Variants in POU6F2 observed in about 807,000 individuals in gnomAD.
POU6F2 encodes POU domain, class 6, transcription factor 2.
POU6F2 carries 31 observed loss-of-function variants against 71.3 expected under a neutral mutation model. That is an observed-to-expected ratio of 0.43 (90% CI 0.33 to 0.59). The LOEUF (loss-of-function observed/expected upper bound fraction) is 0.59. Among genes scored for constraint, POU6F2 ranks in the 20% least tolerant of loss-of-function variants. POU6F2 has a pLI of 0.04. For synonymous variants in POU6F2, 347 were observed against 355.7 expected (o/e 0.98, Z 0.27); for missense variants, 783 against 856.8 (o/e 0.91, Z 1.07).
rs1358366890 is a variant in POU6F2 at position 39,221,368 on chromosome 7, A to G, written c.598+13748A>G. Among the ~76,000 whole-genome samples the G allele has an allele frequency of 5.3e-5, 8 of 151,034 alleles. No individual in the cohort carries two copies. The East Asian group carries it at 9.8e-4, about 19-fold the overall frequency. ...GCGCAATTTCCATTGATCAGAATCT[A>G]AAATTCTCTCTCTCTCTTTTTTTTT... On this transcript the variant is annotated intron_variant, in intron 4 of 9. Transcript: ENST00000518318.
At chr7:39,149,741 T>G (rs1234206157) in intron 2 of POU6F2, among the ~76,000 whole-genome samples, 1 of 152,192 alleles carries the variant, frequency 6.6e-6, no homozygotes, top group Admixed American at 6.5e-5. Flanking sequence ...CCTTTATATA[T>G]ATGTGTGTGT....
chr7:39,155,168 T>C (rs1452242949), intron 2 of POU6F2, among the ~76,000 whole-genome samples: 1 of 151,542 alleles, frequency 6.6e-6, no homozygotes, highest in Non-Finnish European at 1.5e-5. Flanking sequence ...GAAAAAGCAT[T>C]TGGGGGTTCT....
At chr7:39,278,567 T>G (rs1235641030) in intron 4 of POU6F2, among the ~76,000 whole-genome samples, 1 of 152,188 alleles carries the variant, frequency 6.6e-6, no homozygotes, top group Non-Finnish European at 1.5e-5. Context: ...CAGACCTTCC[T>G]TGTAAGTAGA....
chr7:39,393,439 A>G (rs1375920007), intron 5 of POU6F2, among the ~76,000 whole-genome samples: 3 of 152,178 alleles, frequency 2.0e-5, no homozygotes, highest in East Asian at 1.9e-4. Flanking sequence ...GCTCTTTACA[A>G]TGAAGAAACC....
intron 6 of POU6F2, among the ~76,000 whole-genome samples, chr7:39,419,386 G>A (rs1452405402): frequency 1.3e-5 from 2 of 151,388 alleles, no homozygotes; most frequent in Non-Finnish European, 2.9e-5. Flanking sequence ...TTACAGGCAC[G>A]CACCATCACG....
chr7:39,175,702 C>G (rs1366661502), intron 2 of POU6F2, among the ~76,000 whole-genome samples: 1 of 152,134 alleles, frequency 6.6e-6, no homozygotes, highest in Non-Finnish European at 1.5e-5. Flanking sequence ...GGCCAGTGTG[C>G]CAGAGAAACC....
chr7:39,022,826 G>A (rs944931021), intron 1 of POU6F2, among the ~76,000 whole-genome samples: 2 of 151,926 alleles, frequency 1.3e-5, no homozygotes, highest in Admixed American at 6.6e-5. Context: ...ACATTCTTTT[G>A]CATGGACATA....
chr7:39,353,417 C>T (rs1270654856), intron 5 of POU6F2, among the ~76,000 whole-genome samples: 1 of 152,210 alleles, frequency 6.6e-6, no homozygotes, highest in Non-Finnish European at 1.5e-5. Context: ...AACGACAAAT[C>T]CTCATAGTCA....
chr7:39,318,217 A>G (rs1785311451), intron 4 of POU6F2, among the ~76,000 whole-genome samples: 1 of 152,084 alleles, frequency 6.6e-6, no homozygotes, highest in Admixed American at 6.5e-5. Flanking sequence ...ATATTTAGGC[A>G]CCCAGCACAG....
At chr7:39,070,942 A>G (rs1428588191) in intron 1 of POU6F2, among the ~76,000 whole-genome samples, 1 of 152,100 alleles carries the variant, frequency 6.6e-6, no homozygotes, top group South Asian at 2.1e-4. Context: ...CACTTAGAGG[A>G]GTGGATGGTA....
intron 5 of POU6F2, among the ~76,000 whole-genome samples, chr7:39,349,026 T>C (rs1276617466): frequency 1.3e-5 from 2 of 152,178 alleles, no homozygotes; most frequent in Non-Finnish European, 2.9e-5. Context: ...AAAGCCTCCT[T>C]AATTGTGGGG....
intron 4 of POU6F2, among the ~76,000 whole-genome samples, chr7:39,298,631 T>C: frequency 6.6e-6 from 1 of 152,170 alleles, no homozygotes; most frequent in Non-Finnish European, 1.5e-5. Context: ...GAAATACCAT[T>C]TTACCCAGCA....
intron 4 of POU6F2, among the ~76,000 whole-genome samples, chr7:39,289,715 A>G (rs978465171): frequency 1.3e-5 from 2 of 152,226 alleles, no homozygotes; most frequent in African/African-American, 2.4e-5. Flanking sequence ...TTATGGTTCA[A>G]AATAGTTGGC....
At chr7:39,418,907 GTGTA>G (rs1181346662) in intron 6 of POU6F2, among the ~76,000 whole-genome samples, 2 of 146,874 alleles carry the variant, frequency 1.4e-5, no homozygotes, top group East Asian at 4.1e-4. Context: ...GTGTGTGTGT[GTGTA>G]TATATATATG....
In POU6F2 at chr7:39,451,687, G is replaced by A; in HGVS notation, c.1475G>A (p.Gly492Asp). The A allele has an allele frequency of 6.3e-7, 1 of 1,595,340 alleles. No homozygotes were observed. The highest frequency in any genetic ancestry group is 8.5e-7 in the Non-Finnish European group (1 of 1,170,756). The part of the protein sequence containing the change: ...SSSSSSALSV[G>D]QLVSNPQTAA... ...TCCTCTTCTTCAGCTTTGAGCGTGG[G>A]CCAGTTAGTCAGCAGTAAGTATCCT... Residue 492 changes from glycine to aspartate, a missense_variant, in exon 8 of 10, where the codon GGC (glycine) becomes GAC (aspartate). By Grantham distance (94) the Gly-to-Asp change is moderately conservative. Coordinates refer to ENST00000518318, the MANE Select transcript of POU6F2 (RefSeq NM_001370959.1).
At chr7:39,245,675 G>A (rs1330078037) in intron 4 of POU6F2, among the ~76,000 whole-genome samples, 2 of 152,158 alleles carry the variant, frequency 1.3e-5, no homozygotes, top group Non-Finnish European at 1.5e-5. Context: ...CTTAGTTTTT[G>A]CATGAAATCA....
intron 5 of POU6F2, among the ~76,000 whole-genome samples, chr7:39,374,237 GTGTC>G (rs1786668096): frequency 6.6e-6 from 1 of 152,208 alleles, no homozygotes. Context: ...GCATGTATAT[GTGTC>G]TGTGTATGAG....
chr7:39,080,062 G>A (rs5008508), intron 1 of POU6F2, among the ~76,000 whole-genome samples: 98,345 of 151,958 alleles, frequency 0.65, 32,292 homozygotes, highest in East Asian at 0.89. Context: ...CAATAAATAC[G>A]TATACTTACG....
At chr7:39,280,264 C>A (rs1784538111) in intron 4 of POU6F2, among the ~76,000 whole-genome samples, 1 of 152,168 alleles carries the variant, frequency 6.6e-6, no homozygotes. Flanking sequence ...CCATGCTCCC[C>A]CAAGGTGTGT....
Sources: allele counts gnomAD v4.1 joint callset (sites outside exome capture counted in the v4.1 genomes callset), GRCh38; gene constraint gnomAD v4.1.1; transcripts MANE v1.5; gene names NCBI Gene and HGNC (gene_info 2026-07-23, HGNC 2026-07-21).